The following SUGP1 variants were observed in gnomAD, a reference collection of about 807,000 sequenced individuals.
The protein encoded by SUGP1 is SURP and G-patch domain-containing protein 1.
Under a neutral mutation model 76.5 loss-of-function variants are expected in SUGP1, and 34 were observed. The observed-to-expected ratio is 0.44, with a 90% confidence interval of 0.34 to 0.59. The LOEUF is 0.59. Among genes scored for constraint, SUGP1 ranks in the 20% least tolerant of loss-of-function variants. The pLI, the probability that SUGP1 is intolerant of heterozygous loss-of-function variation, is 0.01. For synonymous variants in SUGP1, 326 were observed against 326.2 expected, an observed-to-expected ratio of 1.00 and a Z score of 0.01; for missense variants, 752 against 851.7, an observed-to-expected ratio of 0.88 and a Z score of 1.46.
Position 19,305,850 on chromosome 19 carries a change from T to C in SUGP1, c.537A>G (p.Lys179=). Residue 179 remains lysine, a splice_region_variant and synonymous_variant, in exon 4 of 14, where the codon AAA becomes AAG. Transcript: ENST00000247001. ...GGAGCAGCAGCTCCCACAACTTACCTTTGATCTCCAGCCACTGCTCATAGT... is the reference window on the plus strand; with the variant it reads ...GGAGCAGCAGCTCCCACAACTTACCCTTGATCTCCAGCCACTGCTCATAGT... ...EEDYEQWLEI[K]VSPPEGAETR... 6.2e-7 allele frequency: 1 copy of C among 1,601,254 alleles called. No homozygotes were observed.
At chr19:19,283,654 C>T (rs1014084311) in intron 8 of SUGP1, among the ~76,000 whole-genome samples, 5 of 152,260 alleles carry the variant, frequency 3.3e-5, no homozygotes, top group Admixed American at 1.3e-4. Context: ...CAGGTTTCAG[C>T]ATACTGGCCA....
intron 3 of SUGP1, among the ~76,000 whole-genome samples, chr19:19,307,076 C>A (rs2061323319): frequency 6.6e-6 from 1 of 151,908 alleles, no homozygotes; most frequent in Non-Finnish European, 1.5e-5. Context: ...CAGGGTCTTG[C>A]TCTATCACCC....
At chr19:19,318,113 CTTT>C (rs1192437542) in intron 1 of SUGP1, among the ~76,000 whole-genome samples, 10 of 97,676 alleles carry the variant, frequency 1.0e-4, no homozygotes, top group Admixed American at 9.6e-4. Context: ...ACCCAGCCTT[CTTT>C]TTTTTTTTTT....
At chr19:19,319,776 C>G (rs2061425655) in intron 1 of SUGP1, among the ~76,000 whole-genome samples, 1 of 151,220 alleles carries the variant, frequency 6.6e-6, no homozygotes, top group Non-Finnish European at 1.5e-5. Context: ...ATATCAGAAG[C>G]CTCCACTCTG....
At chr19:19,312,607 G>A (rs1360137643) in intron 2 of SUGP1, among the ~76,000 whole-genome samples, 1 of 152,170 alleles carries the variant, frequency 6.6e-6, no homozygotes, top group Non-Finnish European at 1.5e-5. Context: ...AAGGGGCACT[G>A]GTTAAATAAA....
At chr19:19,318,101 G>A (rs1435384001) in intron 1 of SUGP1, among the ~76,000 whole-genome samples, 76 of 119,208 alleles carry the variant, frequency 6.4e-4, no homozygotes, top group Middle Eastern at 0.013. Flanking sequence ...GTGAGCCACC[G>A]AACCCAGCCT....
At chr19:19,316,686 T>G in intron 1 of SUGP1, 93 bp from the exon 2 acceptor site, 3 of 1,339,886 alleles carry the variant, frequency 2.2e-6, no homozygotes, top group Middle Eastern at 1.9e-4. Context: ...GATGTTCAGA[T>G]TAATTTATAT....
At chr19:19,287,012 C>T (rs996796764) in intron 8 of SUGP1, among the ~76,000 whole-genome samples, 2 of 151,996 alleles carry the variant, frequency 1.3e-5, no homozygotes, top group Non-Finnish European at 2.9e-5. Context: ...AAGTGGCTCA[C>T]GCCTGTAATC....
chr19:19,309,768 C>T (rs930089569), intron 3 of SUGP1, among the ~76,000 whole-genome samples: 14 of 152,038 alleles, frequency 9.2e-5, no homozygotes, highest in African/African-American at 3.1e-4. Flanking sequence ...AAAAATTAGC[C>T]GGGCGTGGTG....
In SUGP1 at chr19:19,276,056, T is replaced by C; in HGVS notation, c.*592A>G. 1 of 153,424 alleles carries C rather than the reference T, an allele frequency of 6.5e-6. No homozygotes were observed. The highest frequency in any genetic ancestry group is 1.5e-5 in the Non-Finnish European group (1 of 68,842). 9.5% of individuals were successfully genotyped at this position (153,424 alleles called of 1,614,324 possible). A position where few individuals can be genotyped will look rare whatever the true frequency, so the allele number is the denominator to read the frequency against. ...GGTGTGGCCAAGTCTCCAGCTTTAT[T>C]ATTATTATTATTATTTGAGACAGAG... is the stretch of plus-strand genomic sequence containing the variant. On this transcript the variant is annotated 3_prime_UTR_variant, in exon 14 of 14. Coordinates refer to ENST00000247001, the MANE Select transcript of SUGP1 (RefSeq NM_172231.4).
At chr19:19,315,246 A>G (rs1223116816) in intron 2 of SUGP1, among the ~76,000 whole-genome samples, 4 of 152,034 alleles carry the variant, frequency 2.6e-5, no homozygotes, top group Non-Finnish European at 5.9e-5. Flanking sequence ...GAGAACTGCT[A>G]AAGCCCAAGA....
At chr19:19,278,269 G>C (rs151173656) in intron 11 of SUGP1, among the ~76,000 whole-genome samples, 3 of 152,290 alleles carry the variant, frequency 2.0e-5, no homozygotes, top group African/African-American at 7.2e-5. Context: ...ATCAGGCCCT[G>C]AACAGTTTTA....
At chr19:19,299,047 T>A (rs1034754644) in intron 7 of SUGP1, among the ~76,000 whole-genome samples, 5 of 152,238 alleles carry the variant, frequency 3.3e-5, no homozygotes, top group Admixed American at 2.0e-4. Context: ...GGTTCCCCTC[T>A]GGTGGAACTA....
intron 7 of SUGP1, among the ~76,000 whole-genome samples, chr19:19,300,854 T>G (rs2061266461): frequency 6.6e-6 from 1 of 152,116 alleles, no homozygotes; most frequent in Non-Finnish European, 1.5e-5. Flanking sequence ...CGGGGCCACC[T>G]GCACCAATAG....
intron 1 of SUGP1, among the ~76,000 whole-genome samples, chr19:19,318,419 C>T (rs1355339807): frequency 1.3e-5 from 2 of 151,882 alleles, no homozygotes; most frequent in Non-Finnish European, 2.9e-5. Flanking sequence ...CACACCCAGC[C>T]GTTTTTTTTG....
chr19:19,289,125 C>G (rs2061162955), intron 8 of SUGP1, among the ~76,000 whole-genome samples: 1 of 152,036 alleles, frequency 6.6e-6, no homozygotes, highest in Non-Finnish European at 1.5e-5. Context: ...GTGTCCCAAC[C>G]CCCATGTTGT....
chr19:19,301,192 C>A (rs2061268935), intron 7 of SUGP1, among the ~76,000 whole-genome samples: 1 of 152,110 alleles, frequency 6.6e-6, no homozygotes, highest in African/African-American at 2.4e-5. Flanking sequence ...GGCCTCCAGT[C>A]CCAGGCAGAT....
chr19:19,312,388 C>T (rs773220255), intron 2 of SUGP1, among the ~76,000 whole-genome samples: 36 of 152,310 alleles, frequency 2.4e-4, no homozygotes, highest in Non-Finnish European at 4.4e-4. Flanking sequence ...CACTCTACTT[C>T]TTCCATTTCC....
intron 1 of SUGP1, among the ~76,000 whole-genome samples, chr19:19,318,592 C>T (rs955004383): frequency 2.0e-5 from 3 of 152,120 alleles, no homozygotes; most frequent in Non-Finnish European, 2.9e-5. Flanking sequence ...CCAGGCCTAG[C>T]TATTTTCTTT....
Sources: gnomAD v4.1 joint callset for allele counts (sites outside exome capture counted in the v4.1 genomes callset) on GRCh38, gnomAD v4.1.1 for gene constraint, MANE v1.5 for transcripts, NCBI Gene and HGNC (gene_info 2026-07-23, HGNC 2026-07-21) for gene names.